The following TPPP3 variants were observed in gnomAD, a reference collection of about 807,000 sequenced individuals.
TPPP3 encodes tubulin polymerization-promoting protein family member 3.
In TPPP3, 7 loss-of-function variants were observed where a neutral mutation model predicts 13.1. That is an observed-to-expected ratio of 0.54 (90% CI 0.30 to 1.01). TPPP3 has a LOEUF of 1.01. TPPP3 is among the 50% of genes least tolerant of loss of function. The pLI is 0.06. For missense variants in TPPP3, 185 were observed against 235.0 expected (o/e 0.79, Z 1.39); for synonymous variants, 87 against 93.7 (o/e 0.93, Z 0.41).
chr16:67,393,255 G>C lies in TPPP3; in HGVS notation c.-7+125C>G. On this transcript the variant is annotated intron_variant, in intron 1 of 3. Coordinates refer to ENST00000393957, the MANE Select transcript of TPPP3 (RefSeq NM_015964.4). The surrounding 1 kb of genome is among the most constrained non-coding windows in gnomAD (Gnocchi z 5.4). ...GAATGCTTGGGGCCAGGGCAGGGCC[G>C]CTCAGCTGGCTCCTCGGCTGGGACC... 1 of 890,274 alleles carries C rather than the reference G, an allele frequency of 1.1e-6. No individual in the cohort carries two copies. The highest frequency in any genetic ancestry group is 1.3e-6 in the Non-Finnish European group (1 of 743,116). The allele number at this position is 890,274 out of a possible 1,614,324, so 55.1% of individuals were successfully genotyped here. A position where few individuals can be genotyped will look rare whatever the true frequency, so the allele number is the denominator to read the frequency against.
chr16:67,389,835 G>T lies in TPPP3; in HGVS notation c.*339C>A. The T allele has an allele frequency of 3.3e-6, 1 of 303,180 alleles. No individual in the cohort carries two copies. The highest frequency in any genetic ancestry group is 6.6e-5 in the South Asian group (1 of 15,206). The allele number at this position is 303,180 out of a possible 1,614,324, so 18.8% of individuals were successfully genotyped here. On this transcript the variant is annotated 3_prime_UTR_variant, in exon 4 of 4. Transcript: ENST00000393957. ...TGGTACAAAAGGTGTCTTTATTGAGGTCTGGGTTAAAATTAGGCACTTGGC... is the reference window on the plus strand; with the variant it reads ...TGGTACAAAAGGTGTCTTTATTGAGTTCTGGGTTAAAATTAGGCACTTGGC...
In TPPP3 at chr16:67,392,748, G is replaced by A. The variant is rs547510326; in HGVS notation, c.-7+632C>T. On this transcript the variant is annotated intron_variant, in intron 1 of 3. Transcript: ENST00000393957. The surrounding 1 kb of genome is among the most constrained non-coding windows in gnomAD (Gnocchi z 4.9). Reference sequence around the variant, plus strand: ...TTACACTAGGGCTTCCAGTGACCACGGCCTGGGCTCTGCCCGGCTGCCCCA... The same window carrying A: ...TTACACTAGGGCTTCCAGTGACCACAGCCTGGGCTCTGCCCGGCTGCCCCA... 4.6e-5 allele frequency among the ~76,000 whole-genome samples: 7 copies of A among 152,084 alleles called. No homozygotes were observed. The highest frequency in any genetic ancestry group is 1.4e-4 in the African/African-American group (6 of 41,386).
Position 67,393,365 on chromosome 16 carries a change from C to T in TPPP3, c.-7+15G>A, listed in dbSNP as rs377194832. On this transcript the variant is annotated intron_variant, in intron 1 of 3. Transcript: ENST00000393957. This position sits in a 1 kb window ranked among gnomAD's most constrained non-coding sequence, Gnocchi z 5.4. ...ATTGGGGTGGCGGGCATCTGGGTCT[C>T]CTATGGGCTTCTACCTCGCGGCTGC... The T allele has an allele frequency of 3.0e-5, 30 of 985,628 alleles. No homozygotes were observed. In the East Asian group the frequency reaches 2.3e-3, roughly 75 times the overall value. 61.1% of individuals were successfully genotyped at this position (985,628 alleles called of 1,614,324 possible).
rs2040353448 is a variant in TPPP3 at position 67,393,341 on chromosome 16, T to C, written c.-7+39A>G. 1.0e-6 allele frequency: 1 copy of C among 985,434 alleles called. No individual in the cohort carries two copies. The highest frequency in any genetic ancestry group is 1.2e-6 in the Non-Finnish European group (1 of 829,900). The allele number at this position is 985,434 out of a possible 1,614,324, so 61.0% of individuals were successfully genotyped here. On this transcript the variant is annotated intron_variant, in intron 1 of 3. Transcript: ENST00000393957. The surrounding 1 kb of genome is among the most constrained non-coding windows in gnomAD (Gnocchi z 5.4). ...CAACCCTCATCGTGCAGGATACTGATTGGGGTGGCGGGCATCTGGGTCTCC... is the reference window on the plus strand; with the variant it reads ...CAACCCTCATCGTGCAGGATACTGACTGGGGTGGCGGGCATCTGGGTCTCC...
At position 67,390,189 on chromosome 16, in the gene TPPP3, G is replaced by T; in HGVS notation, c.516C>A (p.Ala172=). ...SAYKNAGTYD[A]KVKK is the part of the protein sequence containing the mutation. ...TTCCCAAGCCTCACTTCTTCACCTTGGCATCGTAGGTGCCTGCATTCTTGT... is the reference window on the plus strand; with the variant it reads ...TTCCCAAGCCTCACTTCTTCACCTTTGCATCGTAGGTGCCTGCATTCTTGT... Residue 172 remains alanine (A), a synonymous_variant, in exon 4 of 4, where the codon GCC becomes GCA. Coordinates refer to ENST00000393957, the MANE Select transcript of TPPP3 (RefSeq NM_015964.4). The surrounding 1 kb of genome is among the most constrained non-coding windows in gnomAD (Gnocchi z 6.4). 1 of 1,614,130 alleles carries T rather than the reference G, an allele frequency of 6.2e-7. No homozygotes were observed. Among genetic ancestry groups the T allele is most frequent in the Non-Finnish European group, 8.5e-7 (1 of 1,179,966 alleles).
Position 67,390,036 on chromosome 16 carries a change from A to T in TPPP3, c.*138T>A, listed in dbSNP as rs1053612. The T allele has an allele frequency of 3.2e-6, 3 of 929,874 alleles. No homozygotes were observed. The highest frequency in any genetic ancestry group is 3.3e-4 in the Middle Eastern group (1 of 3,050). 57.6% of individuals were successfully genotyped at this position (929,874 alleles called of 1,614,324 possible). On this transcript the variant is annotated 3_prime_UTR_variant, in exon 4 of 4. Coordinates refer to ENST00000393957, the MANE Select transcript of TPPP3 (RefSeq NM_015964.4). The surrounding 1 kb of genome is among the most constrained non-coding windows in gnomAD (Gnocchi z 6.4). The stretch of plus-strand genomic sequence containing the variant: ...GGTCAGAGGCCTGGTGGGCCAGCCC[A>T]GTGGGACTAGGCAGGAAGCTCTGGG...
Position 67,393,239 on chromosome 16 carries a change from G to C in TPPP3, c.-7+141C>G, listed in dbSNP as rs1372681940. The C allele has an allele frequency of 1.2e-6, 1 of 806,144 alleles. No homozygotes were observed. The highest frequency in any genetic ancestry group is 1.2e-4 in the East Asian group (1 of 8,032). 49.9% of individuals were successfully genotyped at this position (806,144 alleles called of 1,614,324 possible). A position where few individuals can be genotyped will look rare whatever the true frequency, so the allele number is the denominator to read the frequency against. On this transcript the variant is annotated intron_variant, in intron 1 of 3. Transcript: ENST00000393957. The surrounding 1 kb of genome is among the most constrained non-coding windows in gnomAD (Gnocchi z 5.4). ...TGGGGGCTGCGAGGTGGAATGCTTGGGGCCAGGGCAGGGCCGCTCAGCTGG... is the reference window on the plus strand; with the variant it reads ...TGGGGGCTGCGAGGTGGAATGCTTGCGGCCAGGGCAGGGCCGCTCAGCTGG...
chr16:67,390,112 T>C lies in TPPP3; in HGVS notation c.*62A>G. On this transcript the variant is annotated 3_prime_UTR_variant, in exon 4 of 4. Transcript: ENST00000393957. The surrounding 1 kb of genome is among the most constrained non-coding windows in gnomAD (Gnocchi z 6.4). The stretch of plus-strand genomic sequence containing the variant: ...AGGATCTCTTGCTCCACGTGCCCCT[T>C]AGACCCAGGCCTGAGCCTCTGGCAG... 1 of 1,557,698 alleles carries C rather than the reference T, an allele frequency of 6.4e-7. No homozygotes were observed. Among genetic ancestry groups the C allele is most frequent in the African/African-American group, 1.4e-5 (1 of 74,032 alleles).
chr16:67,389,922 G>A lies in TPPP3; in HGVS notation c.*252C>T, dbSNP rs1183561310. ...GGTTAGCCATGCCTGGGGCTGGGTTGGGGTCATGAGGCTACAGGCACAGAC... is the reference window on the plus strand; with the variant it reads ...GGTTAGCCATGCCTGGGGCTGGGTTAGGGTCATGAGGCTACAGGCACAGAC... On this transcript the variant is annotated 3_prime_UTR_variant, in exon 4 of 4. Coordinates refer to ENST00000393957, the MANE Select transcript of TPPP3 (RefSeq NM_015964.4). 1.2e-5 allele frequency: 6 copies of A among 505,270 alleles called. No individual in the cohort carries two copies. Among genetic ancestry groups the A allele is most frequent in the Non-Finnish European group, 2.1e-5 (6 of 282,350 alleles). The allele number at this position is 505,270 out of a possible 1,614,324, so 31.3% of individuals were successfully genotyped here.
In TPPP3 at chr16:67,392,882, C is replaced by T. The variant is rs141140745; in HGVS notation, c.-7+498G>A. 306 of 781,612 alleles carry T rather than the reference C, an allele frequency of 3.9e-4. 3 individuals carry two copies. The African/African-American group carries it at 5.3e-3, about 14-fold the overall frequency. 48.4% of individuals were successfully genotyped at this position (781,612 alleles called of 1,614,324 possible). On this transcript the variant is annotated intron_variant, in intron 1 of 3. Transcript: ENST00000393957. The surrounding 1 kb of genome is among the most constrained non-coding windows in gnomAD (Gnocchi z 4.9). Reference sequence around the variant, plus strand: ...ACGTTACAGGGACCATAACCCCAGTCCACGCTGCACTCCCCTTCCCTTTCC... The same window carrying T: ...ACGTTACAGGGACCATAACCCCAGTTCACGCTGCACTCCCCTTCCCTTTCC...
rs1368617690 is a variant in TPPP3 at position 67,390,867 on chromosome 16, G to GC, written c.188+56dup. ...CTTCTTGATGTCCTCCCTGGTTCCA[G>GC]CCCCCCAGTTCCCCACCTCCTGGGA... On this transcript the variant is annotated intron_variant, in intron 2 of 3. Transcript: ENST00000393957. The surrounding 1 kb of genome is among the most constrained non-coding windows in gnomAD (Gnocchi z 6.4). 6.4e-7 allele frequency: 1 copy of GC among 1,565,652 alleles called. No individual in the cohort carries two copies. The highest frequency in any genetic ancestry group is 8.7e-7 in the Non-Finnish European group (1 of 1,149,348).
rs11552323 is a variant in TPPP3 at position 67,390,343 on chromosome 16, G to A, written c.362C>T (p.Ala121Val). ...GCTGGTGTCCGTCAGCCGGTCTACA[G>A]CACCCCCTGTTTTTGCTTTCTGTTT... ...VGVTKAKTGGAVDRLTDTSRY... is the reference protein window; with the variant it reads ...VGVTKAKTGGVVDRLTDTSRY... The change falls in exon 4 of 4, where the codon GCT becomes GTT. Residue 121 changes from alanine (A) to valine (V), a missense_variant. Ala to Val is a moderately conservative substitution (Grantham distance 64). Transcript: ENST00000393957. This position sits in a 1 kb window ranked among gnomAD's most constrained non-coding sequence, Gnocchi z 6.4. 1.2e-6 allele frequency: 2 copies of A among 1,613,824 alleles called. No individual in the cohort carries two copies. Among genetic ancestry groups the A allele is most frequent in the Non-Finnish European group, 1.7e-6 (2 of 1,179,884 alleles).
In TPPP3 at chr16:67,392,811, C is replaced by T. The variant is rs533116678; in HGVS notation, c.-7+569G>A. On this transcript the variant is annotated intron_variant, in intron 1 of 3. Transcript: ENST00000393957. The surrounding 1 kb of genome is among the most constrained non-coding windows in gnomAD (Gnocchi z 4.9). ...AACTCCTCGCCAGTGACCACACTCC[C>T]ATCCCTAAGTGGCAGTTTCTGGGAC... is the stretch of plus-strand genomic sequence containing the variant. The T allele has an allele frequency of 2.3e-5, 6 of 261,130 alleles. 1 individual carries two copies. The South Asian group carries it at 8.5e-4, about 37-fold the overall frequency. 16.2% of individuals were successfully genotyped at this position (261,130 alleles called of 1,614,324 possible). A position where few individuals can be genotyped will look rare whatever the true frequency, so the allele number is the denominator to read the frequency against.
At position 67,393,453 on chromosome 16, in the gene TPPP3, C is replaced by A; in HGVS notation, c.-80G>T. 1 of 985,678 alleles carries A rather than the reference C, an allele frequency of 1.0e-6. No homozygotes were observed. Among genetic ancestry groups the A allele is most frequent in the Non-Finnish European group, 1.2e-6 (1 of 830,124 alleles). The allele number at this position is 985,678 out of a possible 1,614,324, so 61.1% of individuals were successfully genotyped here. A position where few individuals can be genotyped will look rare whatever the true frequency, so the allele number is the denominator to read the frequency against. On this transcript the variant is annotated 5_prime_UTR_variant, in exon 1 of 4. Transcript: ENST00000393957. The surrounding 1 kb of genome is among the most constrained non-coding windows in gnomAD (Gnocchi z 5.4). Reference sequence around the variant, plus strand: ...GAATGGACCGATGGACGCGGGAGACCAGGCGGCTCCGCAGCTCCGCTCCCT... The same window carrying A: ...GAATGGACCGATGGACGCGGGAGACAAGGCGGCTCCGCAGCTCCGCTCCCT...
Position 67,391,057 on chromosome 16 carries a change from T to C in TPPP3, c.55A>G (p.Ile19Val). ...CCACTGGCCTTGGGGTCACCATGGA[T>C]GGCAAACTTGCGGAAGCTCTCCTCC... ...GLEESFRKFA[I>V]HGDPKASGQE... The change falls in exon 2 of 4, where the codon ATC becomes GTC. Residue 19 changes from isoleucine to valine, a missense_variant. Ile to Val is a conservative substitution (Grantham distance 29). Coordinates refer to ENST00000393957, the MANE Select transcript of TPPP3 (RefSeq NM_015964.4). This position sits in a 1 kb window ranked among gnomAD's most constrained non-coding sequence, Gnocchi z 6.3. The C allele has an allele frequency of 1.9e-6, 3 of 1,614,236 alleles. No individual in the cohort carries two copies. Among genetic ancestry groups the C allele is most frequent in the Non-Finnish European group, 2.5e-6 (3 of 1,180,040 alleles).
In TPPP3 at chr16:67,390,798, G is replaced by A. The variant is rs987522620; in HGVS notation, c.188+126C>T. On this transcript the variant is annotated intron_variant, in intron 2 of 3. Coordinates refer to ENST00000393957, the MANE Select transcript of TPPP3 (RefSeq NM_015964.4). The surrounding 1 kb of genome is among the most constrained non-coding windows in gnomAD (Gnocchi z 6.4). ...CTGGAGGGCAATAGATATAAGGTTT[G>A]CCCTGGAAGAACGACCTTCGTGATC... is the stretch of plus-strand genomic sequence containing the variant. The A allele has an allele frequency of 8.6e-6, 12 of 1,402,196 alleles. No homozygotes were observed. The African/African-American group carries it at 1.7e-4, about 20-fold the overall frequency. 86.9% of individuals were successfully genotyped at this position (1,402,196 alleles called of 1,614,324 possible).
Position 67,393,017 on chromosome 16 carries a change from T to G in TPPP3, c.-7+363A>C. 2.0e-6 allele frequency: 2 copies of G among 985,478 alleles called. No individual in the cohort carries two copies. Among genetic ancestry groups the G allele is most frequent in the Non-Finnish European group, 2.4e-6 (2 of 829,968 alleles). The allele number at this position is 985,478 out of a possible 1,614,324, so 61.0% of individuals were successfully genotyped here. A position where few individuals can be genotyped will look rare whatever the true frequency, so the allele number is the denominator to read the frequency against. On this transcript the variant is annotated intron_variant, in intron 1 of 3. Coordinates refer to ENST00000393957, the MANE Select transcript of TPPP3 (RefSeq NM_015964.4). This position sits in a 1 kb window ranked among gnomAD's most constrained non-coding sequence, Gnocchi z 5.4. ...GTGCTTGGCCCAAGCACTGGGCGGATCCTGCGTGCAGTGCTCACTCCTGTC... is the reference window on the plus strand; with the variant it reads ...GTGCTTGGCCCAAGCACTGGGCGGAGCCTGCGTGCAGTGCTCACTCCTGTC...
Position 67,390,912 on chromosome 16 carries a change from C to T in TPPP3, c.188+12G>A. The T allele has an allele frequency of 6.2e-7, 1 of 1,612,672 alleles. No individual in the cohort carries two copies. The highest frequency in any genetic ancestry group is 8.5e-7 in the Non-Finnish European group (1 of 1,178,958). On this transcript the variant is annotated intron_variant, in intron 2 of 3. Coordinates refer to ENST00000393957, the MANE Select transcript of TPPP3 (RefSeq NM_015964.4). The surrounding 1 kb of genome is among the most constrained non-coding windows in gnomAD (Gnocchi z 6.4). Reference sequence around the variant, plus strand: ...CTGGGAACATGAGAAGCAGGGGCTGCTTAGGGCTCACTTGACTTTGGAGAA... The same window carrying T: ...CTGGGAACATGAGAAGCAGGGGCTGTTTAGGGCTCACTTGACTTTGGAGAA...
rs543534291 is a variant in TPPP3, at chr16:67,392,692, G to C, written c.-7+688C>G. On this transcript the variant is annotated intron_variant, in intron 1 of 3. Transcript: ENST00000393957. This position sits in a 1 kb window ranked among gnomAD's most constrained non-coding sequence, Gnocchi z 4.9. ...ACTGCCACCTCCTGACCACACCCTC[G>C]GTCTCAGCAACCATCTTCTAGCTCT... Among the ~76,000 whole-genome samples the C allele has an allele frequency of 6.6e-6, 1 of 152,056 alleles. No homozygotes were observed. The highest frequency in any genetic ancestry group is 1.5e-5 in the Non-Finnish European group (1 of 68,006).
Sources: allele counts gnomAD v4.1 joint callset (sites outside exome capture counted in the v4.1 genomes callset), GRCh38; gene constraint gnomAD v4.1.1; non-coding constraint Gnocchi (gnomAD v3.1); transcripts MANE v1.5; gene names NCBI Gene and HGNC (gene_info 2026-07-23, HGNC 2026-07-21).